The following NKAIN3 variants were observed in gnomAD, a reference collection of about 807,000 sequenced individuals.
NKAIN3 encodes sodium/potassium transporting ATPase interacting 3.
Under a neutral mutation model 30.2 loss-of-function variants are expected in NKAIN3, and 25 were observed. The ratio of observed to expected loss-of-function variants is 0.83; its 90% CI spans 0.60 to 1.16. The LOEUF is 1.16. Ranked by LOEUF, NKAIN3 falls within the 50% of genes most tolerant of loss-of-function variation. The pLI, the probability that NKAIN3 is intolerant of heterozygous loss-of-function variation, is 0.00. For missense variants in NKAIN3, 225 were observed against 254.1 expected, an observed-to-expected ratio of 0.89 and a Z score of 0.78; for synonymous variants, 91 against 89.6, an observed-to-expected ratio of 1.02 and a Z score of -0.09.
At chr8:62,423,023 T>C (rs1378850532) in intron 1 of NKAIN3, among the ~76,000 whole-genome samples, 1 of 151,998 alleles carries the variant, frequency 6.6e-6, no homozygotes, top group Non-Finnish European at 1.5e-5. Context: ...ATCCAAGAAC[T>C]CTGGTTCCTT....
chr8:62,820,096 T>C (rs779925272), intron 4 of NKAIN3, among the ~76,000 whole-genome samples: 7 of 152,102 alleles, frequency 4.6e-5, no homozygotes, highest in African/African-American at 1.2e-4. Context: ...ACATGACTAA[T>C]AGTATTTCCA....
At chr8:62,805,846 A>G (rs1400353654) in intron 4 of NKAIN3, among the ~76,000 whole-genome samples, 2 of 152,208 alleles carry the variant, frequency 1.3e-5, no homozygotes, top group African/African-American at 4.8e-5. Flanking sequence ...AAAAGAAACT[A>G]CCATCAGAGT....
At chr8:62,523,941 C>A (rs564170998) in intron 1 of NKAIN3, among the ~76,000 whole-genome samples, 2 of 152,110 alleles carry the variant, frequency 1.3e-5, no homozygotes, top group Non-Finnish European at 2.9e-5. Flanking sequence ...AGAAATACAG[C>A]TGTCTTATCC....
intron 4 of NKAIN3, among the ~76,000 whole-genome samples, chr8:62,907,159 C>T (rs12675297): frequency 0.11 from 16,051 of 152,130 alleles, 939 homozygotes; most frequent in East Asian, 0.17. Flanking sequence ...TGGCATTTTG[C>T]CCCTGCCCTA....
chr8:62,489,077 A>T (rs1189615363), intron 1 of NKAIN3, among the ~76,000 whole-genome samples: 2 of 152,148 alleles, frequency 1.3e-5, no homozygotes, highest in Admixed American at 1.3e-4. Context: ...CTAAGTATAT[A>T]TAGATCTTGG....
intron 1 of NKAIN3, among the ~76,000 whole-genome samples, chr8:62,487,108 A>G (rs527964073): frequency 3.9e-4 from 59 of 152,332 alleles, no homozygotes; most frequent in Non-Finnish European, 6.6e-4. Flanking sequence ...ATCAAAATAA[A>G]GGCCTGAACA....
In NKAIN3 at chr8:62,252,958, C is replaced by G. The variant is rs553052152; in HGVS notation, c.54+3831C>G. Among the ~76,000 whole-genome samples the G allele has an allele frequency of 5.3e-5, 8 of 152,304 alleles. 1 individual carries two copies. The South Asian group carries it at 1.7e-3, about 32-fold the overall frequency. On this transcript the variant is annotated intron_variant, in intron 1 of 6. Transcript: ENST00000623646. ...TTTCAGAGCCATTTTCTGAGAGTAG[C>G]CTCAGTGAAGCACTGAACTAATTTT...
intron 1 of NKAIN3, among the ~76,000 whole-genome samples, chr8:62,369,915 G>T (rs936519276): frequency 1.3e-5 from 2 of 151,166 alleles, no homozygotes; most frequent in African/African-American, 2.4e-5. Context: ...TTCCAGCCAA[G>T]ATAGAAAAAA....
chr8:62,918,448 T>G lies in NKAIN3; in HGVS notation c.472-5T>G. On this transcript the variant is annotated splice_polypyrimidine_tract_variant and splice_region_variant and intron_variant, in intron 4 of 6. Coordinates refer to ENST00000623646, the MANE Select transcript of NKAIN3 (RefSeq NM_001304533.3). ...CTTAAGGTACACATTTTTTCCCTTT[T>G]GCAGTTGGTGGGTTTTGTGTATGCC... The G allele has an allele frequency of 6.2e-7, 1 of 1,610,614 alleles. No individual in the cohort carries two copies. Among genetic ancestry groups the G allele is most frequent in the Non-Finnish European group, 8.5e-7 (1 of 1,177,036 alleles).
intron 4 of NKAIN3, among the ~76,000 whole-genome samples, chr8:62,830,801 A>T (rs760540213): frequency 6.6e-6 from 1 of 152,102 alleles, no homozygotes; most frequent in Non-Finnish European, 1.5e-5. Context: ...GCAGAAGAGA[A>T]TTCTCACCTC....
At chr8:62,504,638 A>G (rs919418169) in intron 1 of NKAIN3, among the ~76,000 whole-genome samples, 1 of 152,178 alleles carries the variant, frequency 6.6e-6, no homozygotes, top group African/African-American at 2.4e-5. Context: ...ATGGAAAATC[A>G]AACCATCCAT....
rs1187720799 is a variant in NKAIN3 at position 62,975,815 on chromosome 8, C to T, written c.*10408C>T. Among the ~76,000 whole-genome samples the T allele has an allele frequency of 1.3e-5, 2 of 152,244 alleles. No individual in the cohort carries two copies. Among genetic ancestry groups the T allele is most frequent in the South Asian group, 2.1e-4 (1 of 4,820 alleles). ...TGTTTCCCACTTTCTCCTGTGAGCA[C>T]TTAGGTCTATAAATTTCCTTCTAAG... On this transcript the variant is annotated 3_prime_UTR_variant, in exon 7 of 7. Transcript: ENST00000623646.
intron 1 of NKAIN3, among the ~76,000 whole-genome samples, chr8:62,561,186 G>C (rs1423955293): frequency 6.6e-6 from 1 of 152,110 alleles, no homozygotes; most frequent in Admixed American, 6.6e-5. Flanking sequence ...CCAAATGTGA[G>C]TTATATGCAG....
At chr8:62,308,071 A>G (rs1814311965) in intron 1 of NKAIN3, among the ~76,000 whole-genome samples, 1 of 150,612 alleles carries the variant, frequency 6.6e-6, no homozygotes, top group South Asian at 2.1e-4. Flanking sequence ...TCTAGGAAGA[A>G]AAGACAAGGC....
chr8:62,830,206 A>AT (rs1417274850), intron 4 of NKAIN3, among the ~76,000 whole-genome samples: 1 of 152,116 alleles, frequency 6.6e-6, no homozygotes, highest in African/African-American at 2.4e-5. Flanking sequence ...TTTTGTTTTC[A>AT]TTTTTTACCA....
chr8:62,904,110 GC>G (rs1165949329), intron 4 of NKAIN3, among the ~76,000 whole-genome samples: 1 of 152,126 alleles, frequency 6.6e-6, no homozygotes, highest in African/African-American at 2.4e-5. Flanking sequence ...CAAATTAGTA[GC>G]CACATGTTAT....
intron 1 of NKAIN3, among the ~76,000 whole-genome samples, chr8:62,473,645 G>T (rs1210611316): frequency 2.0e-5 from 3 of 152,062 alleles, no homozygotes; most frequent in African/African-American, 4.8e-5. Flanking sequence ...TTGGCATTCA[G>T]AACCCTTAGG....
At chr8:62,402,595 A>C (rs2129595354) in intron 1 of NKAIN3, among the ~76,000 whole-genome samples, 1 of 152,238 alleles carries the variant, frequency 6.6e-6, no homozygotes, top group Non-Finnish European at 1.5e-5. Context: ...TTTCCCTTTG[A>C]ACTTGGATCT....
At chr8:62,854,899 C>A (rs1480847833) in intron 4 of NKAIN3, among the ~76,000 whole-genome samples, 1 of 152,134 alleles carries the variant, frequency 6.6e-6, no homozygotes, top group South Asian at 2.1e-4. Flanking sequence ...GTTTAACATC[C>A]CACTGACATT....
Sources: gnomAD v4.1 joint callset for allele counts (sites outside exome capture counted in the v4.1 genomes callset) on GRCh38, gnomAD v4.1.1 for gene constraint, MANE v1.5 for transcripts, NCBI Gene and HGNC (gene_info 2026-07-23, HGNC 2026-07-21) for gene names.